Variants in FHL2 observed in about 807,000 individuals in gnomAD.
The protein encoded by FHL2 is four and a half LIM domains protein 2.
In FHL2, 20 loss-of-function variants were observed where a neutral mutation model predicts 32.7. The observed-to-expected ratio is 0.61, with a 90% CI of 0.43 to 0.89. FHL2 has a LOEUF of 0.89. Ranked by LOEUF, FHL2 falls within the 40% of genes least tolerant of loss-of-function variation. The probability of loss-of-function intolerance (pLI) is 0.00; values close to 1 mark genes in which losing one functional copy is unlikely to be tolerated. For synonymous variants in FHL2, 123 were observed against 128.1 expected (o/e 0.96, Z 0.27); for missense variants, 311 against 358.6 (o/e 0.87, Z 1.07).
intron 2 of FHL2, among the ~76,000 whole-genome samples, chr2:105,391,937 A>G (rs1682765330): frequency 6.6e-6 from 1 of 152,236 alleles, no homozygotes. Context: ...TCACTGAATC[A>G]AATTCCAAAT....
intron 1 of FHL2, among the ~76,000 whole-genome samples, chr2:105,436,302 T>A (rs1684608841): frequency 6.6e-6 from 1 of 152,188 alleles, no homozygotes; most frequent in Non-Finnish European, 1.5e-5. Context: ...AGTAATAGTG[T>A]AGAAGTCAAT....
In FHL2 at chr2:105,398,976, G is replaced by T. The variant is rs1056733051; in HGVS notation, c.-210C>A. The T allele has an allele frequency of 1.3e-6, 2 of 1,517,934 alleles. No individual in the cohort carries two copies. Among genetic ancestry groups the T allele is most frequent in the Admixed American group, 2.2e-5 (1 of 45,570 alleles). 94.0% of individuals were successfully genotyped at this position (1,517,934 alleles called of 1,614,324 possible). On this transcript the variant is annotated 5_prime_UTR_variant, in exon 1 of 7. Coordinates refer to ENST00000530340, the MANE Select transcript of FHL2 (RefSeq NM_001318895.3). Reference sequence around the variant, plus strand: ...GGGGGTTGGAGGTACTCACGGCACCGCAGCGGGCCGGGGACTCCCGGACGG... The same window carrying T: ...GGGGGTTGGAGGTACTCACGGCACCTCAGCGGGCCGGGGACTCCCGGACGG...
Position 105,431,798 on chromosome 2 carries a change from G to T in FHL2, c.-25+6601C>A, listed in dbSNP as rs548983900. Among the ~76,000 whole-genome samples the T allele has an allele frequency of 3.9e-5, 6 of 152,302 alleles. 1 individual carries two copies. The East Asian group carries it at 1.2e-3, about 29-fold the overall frequency. ...AATTGGGCTCACATTGGCCTCTGGG[G>T]TTGCCTGGCTGCTCCTGCCCAAGGC... On this transcript the variant is annotated intron_variant, in intron 1 of 5. Coordinates refer to the FHL2 transcript ENST00000393352.
At chr2:105,400,141 G>T (rs913936284), upstream of FHL2, among the ~76,000 whole-genome samples, 2 of 152,150 alleles carry the variant, frequency 1.3e-5, no homozygotes, top group Non-Finnish European at 1.5e-5. Flanking sequence ...TTAAGGTAAA[G>T]ATTTTTACCA....
At chr2:105,365,923 G>A (rs1680599193) in intron 5 of FHL2, among the ~76,000 whole-genome samples, 1 of 152,018 alleles carries the variant, frequency 6.6e-6, no homozygotes, top group Non-Finnish European at 1.5e-5. Context: ...GAACAAATGG[G>A]GCCAGGCATG....
chr2:105,367,679 C>T lies in FHL2; in HGVS notation c.392G>A (p.Arg131His), dbSNP rs371421189. 9.0e-5 allele frequency: 145 copies of T among 1,614,196 alleles called. No homozygotes were observed. Among genetic ancestry groups the T allele is most frequent in the Admixed American group, 1.8e-4 (11 of 60,032 alleles). The change falls in exon 5 of 7, where the codon CGC (arginine) becomes CAC (histidine). Residue 131 changes from arginine to histidine, a missense_variant. Transcript: ENST00000530340. The part of the protein sequence containing the change: ...SWHETCFICH[R>H]CQQPIGTKSF... ...CTTGGTTCCAATTGGCTGCTGGCAG[C>T]GGTGGCAGATGAAGCAGGTCTCATG...
At chr2:105,416,338 T>C (rs1306643662) in intron 1 of FHL2, among the ~76,000 whole-genome samples, 3 of 152,252 alleles carry the variant, frequency 2.0e-5, no homozygotes, top group Non-Finnish European at 4.4e-5. Flanking sequence ...TCAATGCTCA[T>C]GTCTGCTTCT....
At chr2:105,397,888 GT>G (rs55868128) in intron 1 of FHL2, among the ~76,000 whole-genome samples, 3 of 138,572 alleles carry the variant, frequency 2.2e-5, no homozygotes, top group Admixed American at 1.4e-4. Context: ...TTTGTTTTTT[GT>G]TTTTTTTTGT....
rs768797110 is a variant in FHL2 at position 105,373,773 on chromosome 2, A to G, written c.157-40T>C. Reference sequence around the variant, plus strand: ...CACACAAGACAGTCAGAGGCAGGACAGGAGGGCTTGGACCCACAGCATAGG... The same window carrying G: ...CACACAAGACAGTCAGAGGCAGGACGGGAGGGCTTGGACCCACAGCATAGG... On this transcript the variant is annotated intron_variant, in intron 3 of 6. Coordinates refer to ENST00000530340, the MANE Select transcript of FHL2 (RefSeq NM_001318895.3). The G allele has an allele frequency of 4.3e-6, 7 of 1,609,856 alleles. No homozygotes were observed. In the African/African-American group the frequency reaches 6.7e-5, roughly 15 times the overall value.
At chr2:105,418,435 A>G in intron 1 of FHL2, among the ~76,000 whole-genome samples, 1 of 152,156 alleles carries the variant, frequency 6.6e-6, no homozygotes. Context: ...CATCAACAAA[A>G]AAAAAACAAA....
intron 3 of FHL2, chr2:105,377,739 T>C (rs978672184): frequency 1.9e-5 from 5 of 267,772 alleles, no homozygotes; most frequent in African/African-American, 1.1e-4. Flanking sequence ...CATAGAGGAC[T>C]GCTCGTTTGG....
At chr2:105,428,629 G>A (rs890338679) in intron 1 of FHL2, among the ~76,000 whole-genome samples, 1 of 152,214 alleles carries the variant, frequency 6.6e-6, no homozygotes, top group African/African-American at 2.4e-5. Flanking sequence ...CTTCGTGTGG[G>A]TCAGCTTGTT....
chr2:105,376,583 A>G (rs1008515988), intron 3 of FHL2: 1 of 152,260 alleles, frequency 6.6e-6, no homozygotes, highest in Non-Finnish European at 1.5e-5. Flanking sequence ...AAATGCATTA[A>G]GAATAAATTT....
rs548101027 is a variant in FHL2, at chr2:105,423,052, G to A, written c.-25+15347C>T. ...AAGCAAGCTGAGGATGCTTGCATTGGGCCTGACTCAGGAAGTGGTATCAAG... is the reference window on the plus strand; with the variant it reads ...AAGCAAGCTGAGGATGCTTGCATTGAGCCTGACTCAGGAAGTGGTATCAAG... On this transcript the variant is annotated intron_variant, in intron 1 of 5. Transcript: ENST00000393352. 8.5e-5 allele frequency among the ~76,000 whole-genome samples: 13 copies of A among 152,202 alleles called. No homozygotes were observed. In the South Asian group the frequency reaches 2.7e-3, roughly 32 times the overall value.
chr2:105,433,477 C>T lies in FHL2; in HGVS notation c.-25+4922G>A, dbSNP rs187214503. On this transcript the variant is annotated intron_variant, in intron 1 of 5. Coordinates refer to the FHL2 transcript ENST00000393352. ...GATTACAGGCGTGAGCCACCGCGCC[C>T]GGCTTCATTTTTAAGATGAGGTCCT... Among the ~76,000 whole-genome samples the T allele has an allele frequency of 7.2e-5, 11 of 152,136 alleles. No individual in the cohort carries two copies. The East Asian group carries it at 9.6e-4, about 13-fold the overall frequency.
chr2:105,404,123 C>G (rs1270708947), upstream of FHL2, among the ~76,000 whole-genome samples: 1 of 152,186 alleles, frequency 6.6e-6, no homozygotes, highest in Non-Finnish European at 1.5e-5. Flanking sequence ...AGAAAGTGAA[C>G]ACAGGAAAAC....
At chr2:105,419,607 G>T (rs1684039223) in intron 1 of FHL2, among the ~76,000 whole-genome samples, 1 of 152,060 alleles carries the variant, frequency 6.6e-6, no homozygotes, top group Non-Finnish European at 1.5e-5. Flanking sequence ...CTTTCATTAG[G>T]TTCCCCTATA....
chr2:105,398,874 C>T lies in FHL2; in HGVS notation c.-108G>A. On this transcript the variant is annotated 5_prime_UTR_variant, in exon 1 of 7. Transcript: ENST00000530340. ...CCCAACTCCGGCTCTGCTCCCCTCT[C>T]CTTGGGTCTCGCACCGGATTCGGCC... is the stretch of plus-strand genomic sequence containing the variant. 1 of 1,504,328 alleles carries T rather than the reference C, an allele frequency of 6.6e-7. No individual in the cohort carries two copies. Among genetic ancestry groups the T allele is most frequent in the Non-Finnish European group, 8.8e-7 (1 of 1,130,648 alleles). The allele number at this position is 1,504,328 out of a possible 1,614,324, so 93.2% of individuals were successfully genotyped here. A position where few individuals can be genotyped will look rare whatever the true frequency, so the allele number is the denominator to read the frequency against.
intron 1 of FHL2, among the ~76,000 whole-genome samples, chr2:105,436,189 C>A (rs1018370063): frequency 2.6e-4 from 39 of 151,984 alleles, no homozygotes; most frequent in African/African-American, 8.7e-4. Context: ...GCTGACAAAT[C>A]AACGGTAATA....
Sources: allele counts gnomAD v4.1 joint callset (sites outside exome capture counted in the v4.1 genomes callset), GRCh38; gene constraint gnomAD v4.1.1; transcripts MANE v1.5; gene names NCBI Gene and HGNC (gene_info 2026-07-23, HGNC 2026-07-21).